DLC1: variants seen among roughly 807,000 people sequenced by gnomAD.
The protein encoded by DLC1 is DLC1 Rho GTPase activating protein.
In DLC1, 54 loss-of-function variants were observed where a neutral mutation model predicts 140.3. That is an observed-to-expected ratio of 0.38 (90% CI 0.31 to 0.48). The LOEUF (loss-of-function observed/expected upper bound fraction) is 0.48, where lower values mean the gene tolerates loss of function less well. Ranked by LOEUF, DLC1 falls within the 20% of genes least tolerant of loss-of-function variation. The pLI, the probability that DLC1 is intolerant of heterozygous loss-of-function variation, is 0.96. For synonymous variants in DLC1, 986 were observed against 728.1 expected (o/e 1.35, Z -5.70); for missense variants, 2,536 against 1,907.0 (o/e 1.33, Z -6.14).
chr8:13,579,762 C>G (rs991393527), intron 1 of DLC1, among the ~76,000 whole-genome samples: 6 of 150,850 alleles, frequency 4.0e-5, no homozygotes, highest in Admixed American at 1.3e-4. Context: ...GCAGCAAAAA[C>G]ATTTTGTAGT....
chr8:13,566,948 T>C, intron 1 of DLC1: 3 of 1,496,902 alleles, frequency 2.0e-6, no homozygotes, highest in South Asian at 2.7e-5. Flanking sequence ...GAGCCAGTCT[T>C]AACCTGGGCA....
intron 4 of DLC1, among the ~76,000 whole-genome samples, chr8:13,392,319 A>G (rs1450300247): frequency 2.0e-5 from 3 of 152,228 alleles, no homozygotes; most frequent in Non-Finnish European, 4.4e-5. Flanking sequence ...CATGTAGCCT[A>G]GTGCATGGCA....
intron 2 of DLC1, among the ~76,000 whole-genome samples, chr8:13,401,929 A>C (rs1837317579): frequency 6.6e-6 from 1 of 152,222 alleles, no homozygotes; most frequent in African/African-American, 2.4e-5. Flanking sequence ...GGGAAAGGTT[A>C]TATATTTTTC....
chr8:13,539,400 T>A (rs1351573964), intron 1 of DLC1, among the ~76,000 whole-genome samples: 1 of 151,978 alleles, frequency 6.6e-6, no homozygotes, highest in African/African-American at 2.4e-5. Flanking sequence ...CGGGGTTTCA[T>A]CGTGTTAGCC....
At chr8:13,121,560 C>CT (rs1213565676) in intron 5 of DLC1, among the ~76,000 whole-genome samples, 3 of 151,936 alleles carry the variant, frequency 2.0e-5, no homozygotes, top group South Asian at 2.1e-4. Flanking sequence ...CTTTTCTTTT[C>CT]TTTTTTGAGA....
intron 1 of DLC1, chr8:13,558,929 C>T (rs1238770921): frequency 6.6e-6 from 1 of 152,168 alleles, no homozygotes; most frequent in Non-Finnish European, 1.5e-5. Flanking sequence ...TTAGGGGATG[C>T]TGCATTGAAA....
intron 4 of DLC1, among the ~76,000 whole-genome samples, chr8:13,364,875 G>A (rs544916645): frequency 2.0e-5 from 3 of 152,126 alleles, no homozygotes; most frequent in Admixed American, 1.3e-4. Flanking sequence ...AAAATAAATT[G>A]CCAACTAAGA....
At chr8:13,466,383 C>T (rs1799941959) in intron 2 of DLC1, among the ~76,000 whole-genome samples, 1 of 152,154 alleles carries the variant, frequency 6.6e-6, no homozygotes, top group Admixed American at 6.5e-5. Context: ...GTTGAGTTGC[C>T]TCCTCTGTGT....
In DLC1 at chr8:13,345,456, C is replaced by T. The variant is rs564117792; in HGVS notation, c.1315-40154G>A. Among the ~76,000 whole-genome samples, 6 of 148,988 alleles carry T rather than the reference C, an allele frequency of 4.0e-5. No individual in the cohort carries two copies. The South Asian group carries it at 8.7e-4, about 22-fold the overall frequency. ...GGAGGGAAGGAGCCAGGAGCCAGTTCATTTGGGGCTGAGGGAGTCCCAGGG... is the reference window on the plus strand; with the variant it reads ...GGAGGGAAGGAGCCAGGAGCCAGTTTATTTGGGGCTGAGGGAGTCCCAGGG... On this transcript the variant is annotated intron_variant, in intron 4 of 17. Coordinates refer to ENST00000276297, the MANE Select transcript of DLC1 (RefSeq NM_182643.3).
chr8:13,448,860 T>G (rs967950716), intron 2 of DLC1, among the ~76,000 whole-genome samples: 1 of 86,448 alleles, frequency 1.2e-5, no homozygotes, highest in East Asian at 3.1e-4. Context: ...CACAGATGTA[T>G]TATACACTAG....
chr8:13,537,243 A>G (rs1264821657), intron 1 of DLC1, among the ~76,000 whole-genome samples: 1 of 152,214 alleles, frequency 6.6e-6, no homozygotes, highest in Non-Finnish European at 1.5e-5. Context: ...GTGTCTATTA[A>G]CAGATCAAGA....
At chr8:13,389,273 A>C (rs1054956223) in intron 4 of DLC1, among the ~76,000 whole-genome samples, 16 of 152,138 alleles carry the variant, frequency 1.1e-4, no homozygotes, top group African/African-American at 3.9e-4. Flanking sequence ...TTTAATGTTC[A>C]GCTTTAAAAC....
intron 1 of DLC1, among the ~76,000 whole-genome samples, chr8:13,505,430 T>C (rs970027194): frequency 1.3e-5 from 2 of 152,192 alleles, no homozygotes; most frequent in Admixed American, 6.5e-5. Context: ...TAATTTAAAG[T>C]ATTATGATAT....
intron 2 of DLC1, among the ~76,000 whole-genome samples, chr8:13,496,701 G>A (rs1393863754): frequency 6.7e-6 from 1 of 149,770 alleles, no homozygotes; most frequent in Non-Finnish European, 1.5e-5. Flanking sequence ...AAAAGTTAGT[G>A]TGCTTGGATC....
At position 13,514,708 on chromosome 8, in the gene DLC1, T is replaced by C. The variant is rs1222494582; in HGVS notation, c.-232A>G. 2 of 398,350 alleles carry C rather than the reference T, an allele frequency of 5.0e-6. No individual in the cohort carries two copies. The highest frequency in any genetic ancestry group is 8.9e-6 in the Non-Finnish European group (2 of 225,966). The allele number at this position is 398,350 out of a possible 1,614,324, so 24.7% of individuals were successfully genotyped here. ...CTCCAAAATCTAAGTTCCCATTTCG[T>C]GGTTGAGATCATGGCTCTATTCTGA... On this transcript the variant is annotated 5_prime_UTR_variant, in exon 1 of 18. Transcript: ENST00000276297.
intron 2 of DLC1, among the ~76,000 whole-genome samples, chr8:13,494,488 A>C (rs991882904): frequency 6.6e-6 from 1 of 152,102 alleles, no homozygotes; most frequent in African/African-American, 2.4e-5. Context: ...AATGTAGAGG[A>C]GGACTCGAGA....
At chr8:13,355,588 C>G (rs1470279261) in intron 4 of DLC1, among the ~76,000 whole-genome samples, 2 of 152,146 alleles carry the variant, frequency 1.3e-5, no homozygotes, top group Admixed American at 1.3e-4. Flanking sequence ...CCCACCTTCT[C>G]AGCTCATTTA....
At chr8:13,373,539 C>T (rs1257531947) in intron 4 of DLC1, among the ~76,000 whole-genome samples, 1 of 152,118 alleles carries the variant, frequency 6.6e-6, no homozygotes, top group Non-Finnish European at 1.5e-5. Context: ...CAGAAAATAT[C>T]AGAATTTGAT....
chr8:13,281,196 G>T (rs918091950), intron 5 of DLC1, among the ~76,000 whole-genome samples: 8 of 152,292 alleles, frequency 5.3e-5, no homozygotes, highest in African/African-American at 1.9e-4. Flanking sequence ...TAGTGCATTT[G>T]CTCTGGCAAC....
Sources: gnomAD v4.1 joint callset for allele counts (sites outside exome capture counted in the v4.1 genomes callset) on GRCh38, gnomAD v4.1.1 for gene constraint, MANE v1.5 for transcripts, NCBI Gene and HGNC (gene_info 2026-07-23, HGNC 2026-07-21) for gene names.